Variants in USP34 observed in about 807,000 individuals in gnomAD.
USP34 encodes the protein ubiquitin carboxyl-terminal hydrolase 34.
A neutral mutation model predicts 460.3 loss-of-function variants in USP34; 70 were observed. That is an observed-to-expected ratio of 0.15 (90% confidence interval 0.13 to 0.19). The LOEUF (loss-of-function observed/expected upper bound fraction) is 0.19, where lower values mean the gene tolerates loss of function less well. USP34 is among the 10% of genes least tolerant of loss of function. USP34 has a pLI of 1.00. For synonymous variants in USP34, 1,647 were observed against 1,405.3 expected (o/e 1.17, Z -3.85); for missense variants, 3,985 against 4,236.2 (o/e 0.94, Z 1.65).
chr2:61,375,440 A>C (rs919903787), intron 8 of USP34, among the ~76,000 whole-genome samples: 2 of 152,210 alleles, frequency 1.3e-5, no homozygotes, highest in Non-Finnish European at 2.9e-5. Context: ...AGGACTTTAC[A>C]TAAATGTTTA....
At chr2:61,230,059 TG>T (rs1687846907) in intron 58 of USP34, among the ~76,000 whole-genome samples, 1 of 103,666 alleles carries the variant, frequency 9.6e-6, no homozygotes, top group Non-Finnish European at 2.2e-5. Flanking sequence ...CACAATCACA[TG>T]AAAAAAATGT....
chr2:61,273,106 T>A (rs1044744630), intron 41 of USP34, among the ~76,000 whole-genome samples: 1 of 152,064 alleles, frequency 6.6e-6, no homozygotes, highest in African/African-American at 2.4e-5. Context: ...TGATTCCATA[T>A]CAACATACCA....
Position 61,212,776 on chromosome 2 carries a change from C to A in USP34, c.8683-847G>T, listed in dbSNP as rs186591388. Among the ~76,000 whole-genome samples the A allele has an allele frequency of 2.7e-3, 416 of 151,934 alleles. 1 individual carries two copies. Among genetic ancestry groups the A allele is most frequent in the African/African-American group, 9.3e-3 (387 of 41,408 alleles). The stretch of plus-strand genomic sequence containing the variant: ...CATTACATTTCACTGATGTCAAGGG[C>A]AATAAATAACATGGAGGGATAAATT... On this transcript the variant is annotated intron_variant, in intron 68 of 79. Coordinates refer to ENST00000398571, the MANE Select transcript of USP34 (RefSeq NM_014709.4).
At chr2:61,427,451 A>G (rs1694545122) in intron 1 of USP34, among the ~76,000 whole-genome samples, 1 of 152,222 alleles carries the variant, frequency 6.6e-6, no homozygotes, top group South Asian at 2.1e-4. Context: ...ACTAGCATCA[A>G]CGCCATCCAG....
intron 2 of USP34, chr2:61,417,137 G>A (rs1694220747): frequency 1.3e-6 from 2 of 1,573,870 alleles, no homozygotes; most frequent in East Asian, 4.5e-5. Flanking sequence ...TGGCCAATGT[G>A]AACCCTGGCC....
chr2:61,401,020 G>A (rs1156229209), intron 3 of USP34, among the ~76,000 whole-genome samples: 1 of 151,502 alleles, frequency 6.6e-6, no homozygotes, highest in African/African-American at 2.4e-5. Flanking sequence ...CATTTTGGGT[G>A]CGCGCCTGTA....
intron 16 of USP34, among the ~76,000 whole-genome samples, chr2:61,340,520 C>T (rs1218011072): frequency 6.6e-6 from 1 of 152,186 alleles, no homozygotes; most frequent in African/African-American, 2.4e-5. Context: ...TTCCCATCAG[C>T]AGTGTATGAG....
intron 16 of USP34, among the ~76,000 whole-genome samples, chr2:61,341,486 A>C (rs1251347468): frequency 1.3e-5 from 2 of 152,106 alleles, no homozygotes; most frequent in African/African-American, 4.8e-5. Context: ...TCCCTCATGA[A>C]TGTCTTCATG....
chr2:61,466,900 T>TC (rs1315152404), intron 1 of USP34, among the ~76,000 whole-genome samples: 1 of 143,924 alleles, frequency 6.9e-6, no homozygotes, highest in East Asian at 2.0e-4. Context: ...AGACTCCGTG[T>TC]CAAAAAAAAA....
At chr2:61,226,396 T>A (rs1687729137) in intron 62 of USP34, among the ~76,000 whole-genome samples, 1 of 152,148 alleles carries the variant, frequency 6.6e-6, no homozygotes, top group Non-Finnish European at 1.5e-5. Context: ...ATGGGTGAAT[T>A]TGCAAATAGG....
chr2:61,431,406 T>C (rs1694672200), intron 1 of USP34, among the ~76,000 whole-genome samples: 1 of 152,132 alleles, frequency 6.6e-6, no homozygotes, highest in African/African-American at 2.4e-5. Context: ...ATTAAACTTT[T>C]TGTAGAGATG....
chr2:61,314,484 T>C (rs1281337322), intron 25 of USP34, 101 bp downstream of exon 25: 1 of 1,090,106 alleles, frequency 9.2e-7, no homozygotes, highest in Non-Finnish European at 1.2e-6. Flanking sequence ...TGCTTTCTAC[T>C]TGACCCCAAC....
chr2:61,273,348 A>T (rs1051959676), intron 41 of USP34, among the ~76,000 whole-genome samples: 1 of 152,366 alleles, frequency 6.6e-6, no homozygotes, highest in East Asian at 1.9e-4. Context: ...TTTTTTAAAG[A>T]ACTAGATGAA....
intron 1 of USP34, among the ~76,000 whole-genome samples, chr2:61,450,770 A>C (rs1455392019): frequency 6.6e-6 from 1 of 152,120 alleles, no homozygotes; most frequent in Non-Finnish European, 1.5e-5. Context: ...AAATTATGTA[A>C]AAATGGGAAG....
chr2:61,347,316 T>C (rs1328733322), intron 15 of USP34, among the ~76,000 whole-genome samples: 1 of 152,204 alleles, frequency 6.6e-6, no homozygotes, highest in Non-Finnish European at 1.5e-5. Context: ...CATGTGTAAA[T>C]GGCATTGTGG....
intron 3 of USP34, among the ~76,000 whole-genome samples, chr2:61,397,974 C>A (rs1049033499): frequency 2.0e-5 from 3 of 151,882 alleles, no homozygotes; most frequent in African/African-American, 7.3e-5. Flanking sequence ...GACTAAGGCA[C>A]AAGAATCACT....
intron 41 of USP34, among the ~76,000 whole-genome samples, chr2:61,271,011 C>T (rs1392592443): frequency 6.6e-6 from 1 of 151,930 alleles, no homozygotes; most frequent in Non-Finnish European, 1.5e-5. Context: ...TGGCCAGGCG[C>T]GGTGGCTCAT....
chr2:61,387,700 CAT>C (rs1184040393), intron 5 of USP34, among the ~76,000 whole-genome samples: 2 of 145,838 alleles, frequency 1.4e-5, no homozygotes, highest in African/African-American at 2.5e-5. Flanking sequence ...CATATACACA[CAT>C]GTAAAAATAT....
In USP34 at chr2:61,229,404, T is replaced by C. The variant is rs570362949; in HGVS notation, c.7199+144A>G. On this transcript the variant is annotated intron_variant, in intron 59 of 79. Transcript: ENST00000398571. The stretch of plus-strand genomic sequence containing the variant: ...TGGGAGGCCGAGGCGGGCGGATCAT[T>C]TGAACTTACGAGTTTGAGACCAGCC... 6 of 540,886 alleles carry C rather than the reference T, an allele frequency of 1.1e-5. No individual in the cohort carries two copies. The East Asian group carries it at 2.0e-4, about 18-fold the overall frequency. 33.5% of individuals were successfully genotyped at this position (540,886 alleles called of 1,614,324 possible).
Sources: allele counts gnomAD v4.1 joint callset (sites outside exome capture counted in the v4.1 genomes callset), GRCh38; gene constraint gnomAD v4.1.1; transcripts MANE v1.5; gene names NCBI Gene and HGNC (gene_info 2026-07-23, HGNC 2026-07-21).